Variants in PLD1 observed in about 807,000 individuals in gnomAD.
PLD1 encodes the protein choline phosphatase 1.
PLD1 carries 112 observed loss-of-function variants against 137.1 expected under a neutral mutation model. The observed-to-expected ratio is 0.82, with a 90% CI of 0.70 to 0.96. The LOEUF (loss-of-function observed/expected upper bound fraction) is 0.96. Ranked by LOEUF, PLD1 falls within the 40% of genes least tolerant of loss-of-function variation. The pLI, the probability that PLD1 is intolerant of heterozygous loss-of-function variation, is 0.00. For synonymous variants in PLD1, 431 were observed against 454.7 expected, an observed-to-expected ratio of 0.95 and a Z score of 0.66; for missense variants, 1,321 against 1,342.0, an observed-to-expected ratio of 0.98 and a Z score of 0.24.
intron 9 of PLD1, among the ~76,000 whole-genome samples, chr3:171,710,918 G>A (rs1367384853): frequency 8.0e-6 from 1 of 125,360 alleles, no homozygotes. Context: ...CTGTCGCCCA[G>A]GCTGGAGTGC....
At chr3:171,623,691 T>C (rs1733841794) in intron 23 of PLD1, among the ~76,000 whole-genome samples, 1 of 151,842 alleles carries the variant, frequency 6.6e-6, no homozygotes, top group Admixed American at 6.6e-5. Context: ...AGCAGATAAA[T>C]AGACAGATAC....
At chr3:171,684,833 T>G (rs10755128) in intron 16 of PLD1, among the ~76,000 whole-genome samples, 1 of 152,022 alleles carries the variant, frequency 6.6e-6, no homozygotes, top group Non-Finnish European at 1.5e-5. Flanking sequence ...GCAATCCTCC[T>G]GCTTCAGCCT....
At chr3:171,629,219 C>G (rs1180597236) in intron 23 of PLD1, among the ~76,000 whole-genome samples, 8 of 152,064 alleles carry the variant, frequency 5.3e-5, no homozygotes, top group Admixed American at 1.3e-4. Context: ...ACACCAATAA[C>G]AGACAAACAG....
intron 11 of PLD1, among the ~76,000 whole-genome samples, chr3:171,707,366 T>G (rs967979229): frequency 6.6e-6 from 1 of 152,152 alleles, no homozygotes; most frequent in African/African-American, 2.4e-5. Context: ...AATAGAAAAA[T>G]TATTTTTAGT....
chr3:171,663,623 A>G (rs1430890803), intron 19 of PLD1, among the ~76,000 whole-genome samples: 1 of 152,234 alleles, frequency 6.6e-6, no homozygotes, highest in Non-Finnish European at 1.5e-5. Context: ...ATGAGAGAAC[A>G]TGGAAAGAAG....
chr3:171,638,037 T>C (rs1735286412), intron 23 of PLD1, among the ~76,000 whole-genome samples: 1 of 151,716 alleles, frequency 6.6e-6, no homozygotes, highest in African/African-American at 2.4e-5. Flanking sequence ...AAAAAAAAAT[T>C]AGCCAGGTGC....
chr3:171,686,872 A>AT (rs1387422978), intron 15 of PLD1, 74 bp from the exon 16 acceptor site: 13 of 745,908 alleles, frequency 1.7e-5, no homozygotes, highest in Non-Finnish European at 2.7e-5. Context: ...AAAGCTGATC[A>AT]TTTTTAAAAC....
intron 21 of PLD1, among the ~76,000 whole-genome samples, chr3:171,650,637 T>C (rs1736653240): frequency 6.6e-6 from 1 of 152,188 alleles, no homozygotes; most frequent in Non-Finnish European, 1.5e-5. Context: ...GTGCCAAAAC[T>C]AAAACTAAAA....
chr3:171,627,524 A>T (rs1300005740), intron 23 of PLD1, among the ~76,000 whole-genome samples: 1 of 150,006 alleles, frequency 6.7e-6, no homozygotes, highest in East Asian at 1.9e-4. Flanking sequence ...AGACATCTAC[A>T]GAACTCTCCA....
intron 21 of PLD1, among the ~76,000 whole-genome samples, chr3:171,658,549 T>C (rs1364044221): frequency 6.6e-6 from 1 of 152,152 alleles, no homozygotes; most frequent in Non-Finnish European, 1.5e-5. Context: ...AAATCAGTCA[T>C]AAAAGACCCC....
intron 20 of PLD1, among the ~76,000 whole-genome samples, chr3:171,659,606 G>A (rs1052279983): frequency 2.0e-5 from 3 of 152,182 alleles, no homozygotes; most frequent in Non-Finnish European, 4.4e-5. Flanking sequence ...TAGGAACACT[G>A]CAAATTTAAT....
intron 1 of PLD1, among the ~76,000 whole-genome samples, chr3:171,776,870 C>A (rs549773856): frequency 6.6e-6 from 1 of 152,230 alleles, no homozygotes; most frequent in East Asian, 1.9e-4. Flanking sequence ...TGATAGCACC[C>A]TTTTAAATTA....
At chr3:171,621,851 C>T (rs1189213417) in intron 23 of PLD1, among the ~76,000 whole-genome samples, 1 of 152,128 alleles carries the variant, frequency 6.6e-6, no homozygotes, top group Non-Finnish European at 1.5e-5. Context: ...TTAAGCCCCT[C>T]AGACCTATAA....
At chr3:171,746,931 T>C (rs1424686623) in intron 1 of PLD1, among the ~76,000 whole-genome samples, 1 of 152,204 alleles carries the variant, frequency 6.6e-6, no homozygotes, top group Non-Finnish European at 1.5e-5. Context: ...GCTGCTGCTG[T>C]TTAGGCTTTG....
intron 25 of PLD1, 106 bp from the exon 26 acceptor site, chr3:171,605,522 A>C (rs1421671280): frequency 4.3e-6 from 3 of 703,202 alleles, no homozygotes; most frequent in Admixed American, 2.2e-5. Flanking sequence ...ATATATGCAA[A>C]TTATTTGAGA....
At chr3:171,792,997 A>G (rs1578477854) in intron 1 of PLD1, 4 of 287,784 alleles carry the variant, frequency 1.4e-5, no homozygotes, top group South Asian at 1.3e-4. Flanking sequence ...CCTGAAGGAG[A>G]CTTGCATTGA....
intron 9 of PLD1, among the ~76,000 whole-genome samples, chr3:171,713,129 T>A (rs566904103): frequency 6.6e-6 from 1 of 152,312 alleles, no homozygotes; most frequent in African/African-American, 2.4e-5. Context: ...TACTCACTAA[T>A]AAAATCTATA....
At chr3:171,709,946 A>G (rs2108565480) in intron 9 of PLD1, among the ~76,000 whole-genome samples, 1 of 152,294 alleles carries the variant, frequency 6.6e-6, no homozygotes, top group South Asian at 2.1e-4. Context: ...CTTACCATAG[A>G]CCTAGAGCTG....
At chr3:171,627,779 G>A (rs1254503394) in intron 23 of PLD1, among the ~76,000 whole-genome samples, 2 of 152,148 alleles carry the variant, frequency 1.3e-5, no homozygotes, top group African/African-American at 4.8e-5. Flanking sequence ...ATAACGAAAT[G>A]AAGGCAGAAA....
Sources: allele counts gnomAD v4.1 joint callset (sites outside exome capture counted in the v4.1 genomes callset), GRCh38; gene constraint gnomAD v4.1.1; transcripts MANE v1.5; gene names NCBI Gene and HGNC (gene_info 2026-07-23, HGNC 2026-07-21).